Variants in SLC2A13 observed in about 807,000 individuals in gnomAD.
SLC2A13 encodes solute carrier family 2 member 13, also known as proton myo-inositol cotransporter.
A neutral mutation model predicts 64.4 loss-of-function variants in SLC2A13; 32 were observed. The ratio of observed to expected loss-of-function variants is 0.50; its 90% CI spans 0.37 to 0.67. The LOEUF (loss-of-function observed/expected upper bound fraction) is 0.67, where lower values mean the gene tolerates loss of function less well. SLC2A13 is among the 30% of genes least tolerant of loss of function. The pLI is 0.00. For synonymous variants in SLC2A13, 338 were observed against 327.1 expected, an observed-to-expected ratio of 1.03 and a Z score of -0.36; for missense variants, 743 against 829.2, an observed-to-expected ratio of 0.90 and a Z score of 1.28.
At chr12:39,967,421 C>A (rs981910435) in intron 3 of SLC2A13, among the ~76,000 whole-genome samples, 2 of 152,066 alleles carry the variant, frequency 1.3e-5, no homozygotes, top group Non-Finnish European at 2.9e-5. Context: ...CTCAGGGATA[C>A]CCTGTCCTCT....
chr12:40,101,627 A>C (rs1238843800), intron 1 of SLC2A13, among the ~76,000 whole-genome samples: 1 of 152,208 alleles, frequency 6.6e-6, no homozygotes. Flanking sequence ...ATTTACTGTT[A>C]AAAACCTCTA....
At chr12:39,905,476 G>A (rs1945247106) in intron 4 of SLC2A13, among the ~76,000 whole-genome samples, 1 of 152,082 alleles carries the variant, frequency 6.6e-6, no homozygotes, top group Admixed American at 6.6e-5. Flanking sequence ...TAAGTTTCTA[G>A]AAGAGTTGCT....
intron 7 of SLC2A13, among the ~76,000 whole-genome samples, chr12:39,782,580 A>G (rs1036339035): frequency 6.6e-6 from 1 of 152,160 alleles, no homozygotes; most frequent in African/African-American, 2.4e-5. Flanking sequence ...GCAGCATGAA[A>G]ATGGACTAAT....
chr12:39,795,453 A>G (rs1263554226), intron 7 of SLC2A13, among the ~76,000 whole-genome samples: 1 of 152,126 alleles, frequency 6.6e-6, no homozygotes, highest in Admixed American at 6.6e-5. Flanking sequence ...CAGTGATTTT[A>G]TATTTGTCTA....
chr12:40,073,203 A>G (rs1938029834), intron 1 of SLC2A13, among the ~76,000 whole-genome samples: 1 of 134,274 alleles, frequency 7.4e-6, no homozygotes, highest in Non-Finnish European at 1.7e-5. Context: ...TCACATATAA[A>G]TAAGCATAAA....
chr12:39,760,131 A>T lies in SLC2A13; in HGVS notation c.1842T>A (p.Cys614Ter). 6.2e-7 allele frequency: 1 copy of T among 1,613,048 alleles called. No individual in the cohort carries two copies. The highest frequency in any genetic ancestry group is 8.5e-7 in the Non-Finnish European group (1 of 1,179,364). Residue 614 changes from cysteine to a stop codon, truncating the protein, a stop_gained, in exon 10 of 10, where the codon TGT (cysteine) becomes TGA (stop). Coordinates refer to ENST00000280871, the MANE Select transcript of SLC2A13 (RefSeq NM_052885.4). LOFTEE classifies it high-confidence loss of function. ...CATCAGAATCTGAAGTGCCACATGT[A>T]CATAGCCTGTTGTCAAAGAGTGATT... ...EIESLFDNRLCTCGTSDSDEG... is the reference protein window; with the variant it reads ...EIESLFDNRL
At chr12:39,937,248 A>G (rs1009901380) in intron 4 of SLC2A13, among the ~76,000 whole-genome samples, 1 of 152,196 alleles carries the variant, frequency 6.6e-6, no homozygotes, top group African/African-American at 2.4e-5. Flanking sequence ...AAGACAGGTC[A>G]CAGCATATGC....
intron 4 of SLC2A13, among the ~76,000 whole-genome samples, chr12:39,889,647 C>G (rs1054931623): frequency 3.3e-5 from 5 of 151,584 alleles, no homozygotes; most frequent in African/African-American, 9.7e-5. Flanking sequence ...ATTCTCCTGC[C>G]TCAGTCTCCT....
chr12:40,098,436 T>TA (rs1192483483), intron 1 of SLC2A13, among the ~76,000 whole-genome samples: 4 of 152,242 alleles, frequency 2.6e-5, no homozygotes, highest in African/African-American at 9.6e-5. Context: ...TGAATATACC[T>TA]AACAATACTG....
At chr12:39,867,753 T>C (rs1380403748) in intron 5 of SLC2A13, among the ~76,000 whole-genome samples, 2 of 152,192 alleles carry the variant, frequency 1.3e-5, no homozygotes, top group Non-Finnish European at 2.9e-5. Flanking sequence ...TTATATATAG[T>C]GATGTTTCTC....
intron 4 of SLC2A13, among the ~76,000 whole-genome samples, chr12:39,880,348 T>C (rs1297697082): frequency 6.6e-6 from 1 of 152,242 alleles, no homozygotes; most frequent in Non-Finnish European, 1.5e-5. Flanking sequence ...AAGAACTATT[T>C]TTAAAAAATT....
chr12:39,857,163 C>A (rs999337024), intron 6 of SLC2A13, among the ~76,000 whole-genome samples: 4 of 152,132 alleles, frequency 2.6e-5, no homozygotes, highest in Admixed American at 1.3e-4. Flanking sequence ...TTATTTCAGA[C>A]CTAAATGGAC....
chr12:39,865,640 C>A (rs748000935), intron 5 of SLC2A13, among the ~76,000 whole-genome samples: 3 of 151,806 alleles, frequency 2.0e-5, no homozygotes, highest in Non-Finnish European at 4.4e-5. Flanking sequence ...TGAGGGTAAA[C>A]GAAAAGGGTC....
intron 9 of SLC2A13, 80 bp downstream of exon 9, chr12:39,764,380 A>G: frequency 8.0e-7 from 1 of 1,257,544 alleles, no homozygotes; most frequent in Non-Finnish European, 1.1e-6. Flanking sequence ...CATAGTCTCA[A>G]TCACAAATGA....
chr12:40,013,175 A>AT lies in SLC2A13; in HGVS notation c.925+15125dup, dbSNP rs145006138. Among the ~76,000 whole-genome samples the AT allele has an allele frequency of 9.5e-3, 1,410 of 148,422 alleles. 14 individuals carry two copies. The highest frequency in any genetic ancestry group is 0.032 in the African/African-American group (1,320 of 41,102). On this transcript the variant is annotated intron_variant, in intron 3 of 9. Coordinates refer to ENST00000280871, the MANE Select transcript of SLC2A13 (RefSeq NM_052885.4). ...AATCATCAAGTGGTCTTACAAAATG[A>AT]TTTAAAAAAAAAAAACCTGAGTAAT...
At chr12:40,042,758 T>C (rs2136231788) in intron 2 of SLC2A13, among the ~76,000 whole-genome samples, 1 of 151,976 alleles carries the variant, frequency 6.6e-6, no homozygotes, top group African/African-American at 2.4e-5. Context: ...CCAAAATGAA[T>C]GAGAGGAGAT....
chr12:40,079,569 T>C (rs772140855), intron 1 of SLC2A13, among the ~76,000 whole-genome samples: 11 of 152,238 alleles, frequency 7.2e-5, no homozygotes, highest in Admixed American at 2.0e-4. Flanking sequence ...GTGAGAAGAA[T>C]GTACATTCTG....
intron 7 of SLC2A13, among the ~76,000 whole-genome samples, chr12:39,813,854 G>T (rs1456178917): frequency 6.6e-6 from 1 of 152,138 alleles, no homozygotes; most frequent in African/African-American, 2.4e-5. Flanking sequence ...CCCTACACAG[G>T]CATTTTAAAA....
At chr12:39,870,075 A>C (rs1430191659) in intron 5 of SLC2A13, among the ~76,000 whole-genome samples, 1 of 152,218 alleles carries the variant, frequency 6.6e-6, no homozygotes, top group African/African-American at 2.4e-5. Flanking sequence ...AACTGATAAG[A>C]AAGTGTTTTA....
Sources: gnomAD v4.1 joint callset for allele counts (sites outside exome capture counted in the v4.1 genomes callset) on GRCh38, gnomAD v4.1.1 for gene constraint, MANE v1.5 for transcripts, NCBI Gene and HGNC (gene_info 2026-07-23, HGNC 2026-07-21) for gene names.